The following LRBA variants were observed in gnomAD, a reference collection of about 807,000 sequenced individuals.
The protein encoded by LRBA is lipopolysaccharide-responsive and beige-like anchor protein.
A neutral mutation model predicts 330.0 loss-of-function variants in LRBA; 176 were observed. The observed-to-expected ratio is 0.53, with a 90% CI of 0.47 to 0.60. The LOEUF (loss-of-function observed/expected upper bound fraction) is 0.60, where lower values mean the gene tolerates loss of function less well. Ranked by LOEUF, LRBA falls within the 20% of genes least tolerant of loss-of-function variation. The pLI, the probability that LRBA is intolerant of heterozygous loss-of-function variation, is 0.00. For synonymous variants in LRBA, 1,230 were observed against 1,193.0 expected (o/e 1.03, Z -0.64); for missense variants, 3,259 against 3,444.8 (o/e 0.95, Z 1.35).
intron 47 of LRBA, among the ~76,000 whole-genome samples, chr4:150,385,691 C>A (rs187281412): frequency 7.9e-5 from 12 of 152,254 alleles, no homozygotes; most frequent in Admixed American, 7.2e-4. Flanking sequence ...AAAGCTACTA[C>A]TGATAACTGG....
At chr4:151,012,674 A>G (rs1228403875) in intron 2 of LRBA, 1 of 152,206 alleles carries the variant, frequency 6.6e-6, no homozygotes, top group African/African-American at 2.4e-5. Flanking sequence ...CATATATTTG[A>G]ACATTTCCAT....
At chr4:150,955,053 A>T (rs1331492926) in intron 2 of LRBA, among the ~76,000 whole-genome samples, 1 of 148,916 alleles carries the variant, frequency 6.7e-6, no homozygotes, top group Non-Finnish European at 1.5e-5. Context: ...AGGCAGGTGC[A>T]TCACTTGAGC....
chr4:150,656,815 AC>A (rs1274342371), intron 37 of LRBA, among the ~76,000 whole-genome samples: 1 of 152,212 alleles, frequency 6.6e-6, no homozygotes, highest in African/African-American at 2.4e-5. Context: ...GAAACTCAAT[AC>A]CTATTACAAA....
chr4:150,325,701 AC>A (rs1733151244), intron 49 of LRBA, 107 bp downstream of exon 49: 3 of 748,454 alleles, frequency 4.0e-6, no homozygotes, highest in Non-Finnish European at 6.9e-6. Context: ...GCATAAAAAA[AC>A]AAACCCACAT....
chr4:150,695,213 G>A (rs1784520028), intron 36 of LRBA, among the ~76,000 whole-genome samples: 1 of 152,146 alleles, frequency 6.6e-6, no homozygotes. Flanking sequence ...TGTAAGCAAA[G>A]GATAGGGTTG....
intron 54 of LRBA, among the ~76,000 whole-genome samples, chr4:150,283,226 G>A (rs151170263): frequency 3.9e-5 from 6 of 152,058 alleles, no homozygotes; most frequent in South Asian, 2.1e-4. Context: ...GGAACCCTTC[G>A]GCCACTTCTC....
chr4:150,896,294 A>C, intron 16 of LRBA, 100 bp downstream of exon 16: 1 of 627,226 alleles, frequency 1.6e-6, no homozygotes, highest in Non-Finnish European at 2.8e-6. Context: ...TCCCCATTAC[A>C]GTTACATAAT....
chr4:150,325,989 T>C (rs1489432173), intron 48 of LRBA, 91 bp from the exon 49 acceptor site: 1 of 760,096 alleles, frequency 1.3e-6, no homozygotes, highest in African/African-American at 1.7e-5. Flanking sequence ...CATTCCATAC[T>C]CTGGCTTGTT....
chr4:150,885,436 C>T (rs1294898876), intron 17 of LRBA, among the ~76,000 whole-genome samples: 1 of 152,058 alleles, frequency 6.6e-6, no homozygotes, highest in African/African-American at 2.4e-5. Context: ...GCCTGACCCA[C>T]ACAGTGAAAC....
At chr4:150,988,499 A>T (rs1270264651) in intron 2 of LRBA, among the ~76,000 whole-genome samples, 1 of 152,208 alleles carries the variant, frequency 6.6e-6, no homozygotes. Flanking sequence ...GAATGTTGAT[A>T]ATGATTAAAG....
At chr4:150,949,016 A>G (rs1050544343) in intron 2 of LRBA, among the ~76,000 whole-genome samples, 5 of 151,948 alleles carry the variant, frequency 3.3e-5, no homozygotes, top group Admixed American at 2.6e-4. Context: ...CCACTATGAA[A>G]AAGTTTGGTA....
chr4:150,508,524 A>G (rs1291304983), intron 40 of LRBA, among the ~76,000 whole-genome samples: 1 of 152,090 alleles, frequency 6.6e-6, no homozygotes, highest in Admixed American at 6.5e-5. Context: ...CCTGACCTCA[A>G]ATGATCCACC....
At chr4:150,281,811 C>G (rs1355314448) in intron 55 of LRBA, among the ~76,000 whole-genome samples, 6 of 152,204 alleles carry the variant, frequency 3.9e-5, no homozygotes, top group Non-Finnish European at 8.8e-5. Context: ...AGTTCTTACT[C>G]TTTTTCTCAA....
At chr4:150,829,685 G>A (rs984681716) in intron 29 of LRBA, among the ~76,000 whole-genome samples, 3 of 152,094 alleles carry the variant, frequency 2.0e-5, no homozygotes, top group African/African-American at 7.2e-5. Flanking sequence ...TTCAGTCCTT[G>A]TTCCTCTTAT....
intron 2 of LRBA, among the ~76,000 whole-genome samples, chr4:151,012,581 C>T (rs1052632326): frequency 6.6e-6 from 1 of 152,168 alleles, no homozygotes. Flanking sequence ...CACACACATG[C>T]GCACACACAA....
At chr4:150,392,901 C>T (rs1744196465) in intron 47 of LRBA, among the ~76,000 whole-genome samples, 2 of 151,732 alleles carry the variant, frequency 1.3e-5, no homozygotes, top group South Asian at 4.2e-4. Context: ...CTAATGCATG[C>T]AGGGCTTAAA....
At chr4:150,554,572 A>T (rs1767044551) in intron 40 of LRBA, among the ~76,000 whole-genome samples, 1 of 152,208 alleles carries the variant, frequency 6.6e-6, no homozygotes, top group African/African-American at 2.4e-5. Flanking sequence ...AGAATGATAA[A>T]TGAAAATTGA....
rs143003767 is a variant in LRBA, at chr4:150,828,202, C to A, written c.5149G>T (p.Val1717Leu). ...ALGDLSVEQP[V>L]QFRSFDRSVI... ...TACCTGTCAAAAGATCTGAACTGCA[C>A]GGGTTGTTCCACAGATAGATCACCA... Residue 1717 changes from valine to leucine, a missense_variant, in exon 30 of 57, where the codon GTG (valine) becomes TTG (leucine). Val to Leu is a conservative substitution (Grantham distance 32, BLOSUM62 1). Transcript: ENST00000651943. 6.2e-7 allele frequency: 1 copy of A among 1,613,870 alleles called. No homozygotes were observed. Among genetic ancestry groups the A allele is most frequent in the Non-Finnish European group, 8.5e-7 (1 of 1,179,934 alleles).
chr4:150,398,025 A>G (rs1253277401), intron 47 of LRBA, among the ~76,000 whole-genome samples: 1 of 152,238 alleles, frequency 6.6e-6, no homozygotes, highest in Non-Finnish European at 1.5e-5. Context: ...CATTACAAAA[A>G]TAATTACATA....
Sources: allele counts gnomAD v4.1 joint callset (sites outside exome capture counted in the v4.1 genomes callset), GRCh38; gene constraint gnomAD v4.1.1; transcripts MANE v1.5; gene names NCBI Gene and HGNC (gene_info 2026-07-23, HGNC 2026-07-21).